Variants in FGF12 observed in about 807,000 individuals in gnomAD.
FGF12 encodes fibroblast growth factor 12B.
FGF12 carries 14 observed loss-of-function variants against 23.6 expected under a neutral mutation model. That is an observed-to-expected ratio of 0.59 (90% CI 0.39 to 0.93). The LOEUF (loss-of-function observed/expected upper bound fraction) is 0.93, where lower values mean the gene tolerates loss of function less well. FGF12 is among the 40% of genes least tolerant of loss of function. The probability of loss-of-function intolerance (pLI) is 0.00; values close to 1 mark genes in which losing one functional copy is unlikely to be tolerated. For synonymous variants in FGF12, 62 were observed against 77.3 expected (o/e 0.80, Z 1.04); for missense variants, 175 against 217.8 (o/e 0.80, Z 1.24).
chr3:192,392,368 G>A (rs975472083), intron 2 of FGF12, among the ~76,000 whole-genome samples: 9 of 151,156 alleles, frequency 6.0e-5, no homozygotes, highest in African/African-American at 9.7e-5. Flanking sequence ...GGGAGTTCGA[G>A]ACCAGCCTGA....
intron 4 of FGF12, among the ~76,000 whole-genome samples, chr3:192,233,792 G>A (rs1372545869): frequency 6.6e-6 from 1 of 152,114 alleles, no homozygotes. Flanking sequence ...ACCATTTACT[G>A]AATAGGGAGT....
chr3:192,652,614 G>T (rs553860359), intron 2 of FGF12, among the ~76,000 whole-genome samples: 6 of 152,280 alleles, frequency 3.9e-5, no homozygotes, highest in African/African-American at 1.4e-4. Flanking sequence ...GTATTATCTG[G>T]TAACTTGTGA....
intron 2 of FGF12, among the ~76,000 whole-genome samples, chr3:192,611,450 T>C (rs546129793): frequency 6.6e-6 from 1 of 152,176 alleles, no homozygotes; most frequent in Admixed American, 6.6e-5. Flanking sequence ...TCAACAAATA[T>C]CTATTGAGAA....
At chr3:192,201,352 G>T (rs1353754468) in intron 4 of FGF12, among the ~76,000 whole-genome samples, 1 of 152,206 alleles carries the variant, frequency 6.6e-6, no homozygotes, top group African/African-American at 2.4e-5. Context: ...TATTCAGAAA[G>T]GGGCAGGCAA....
chr3:192,625,684 T>C (rs1030243119), intron 2 of FGF12, among the ~76,000 whole-genome samples: 1 of 152,148 alleles, frequency 6.6e-6, no homozygotes, highest in East Asian at 1.9e-4. Context: ...TAAAAAGTCA[T>C]ATTTTTTCAA....
chr3:192,242,421 G>A (rs1384719624), intron 4 of FGF12, among the ~76,000 whole-genome samples: 1 of 152,018 alleles, frequency 6.6e-6, no homozygotes, highest in Admixed American at 6.6e-5. Flanking sequence ...TCCCCTTGGG[G>A]GTATCAAAAT....
chr3:192,496,895 G>A (rs546257031), intron 2 of FGF12, among the ~76,000 whole-genome samples: 1 of 152,270 alleles, frequency 6.6e-6, no homozygotes, highest in South Asian at 2.1e-4. Context: ...TTTAGCTCCT[G>A]ATGGCTAAAT....
chr3:192,451,983 AT>A (rs778990928), intron 2 of FGF12, among the ~76,000 whole-genome samples: 16 of 151,714 alleles, frequency 1.1e-4, no homozygotes, highest in South Asian at 2.1e-4. Context: ...GCATTAATAG[AT>A]TTTTTTTTCT....
intron 5 of FGF12, among the ~76,000 whole-genome samples, chr3:192,162,331 A>G (rs1714928665): frequency 6.6e-6 from 1 of 152,130 alleles, no homozygotes; most frequent in Admixed American, 6.6e-5. Flanking sequence ...TGTGCTATAC[A>G]TATTTACTAT....
chr3:192,680,305 G>A (rs538218475), intron 2 of FGF12, among the ~76,000 whole-genome samples: 1 of 152,298 alleles, frequency 6.6e-6, no homozygotes, highest in African/African-American at 2.4e-5. Flanking sequence ...AAAACAAGAT[G>A]ACTGCTGCCG....
At chr3:192,200,385 A>G (rs992651502) in intron 4 of FGF12, among the ~76,000 whole-genome samples, 1 of 152,170 alleles carries the variant, frequency 6.6e-6, no homozygotes, top group African/African-American at 2.4e-5. Flanking sequence ...TATTAAAATC[A>G]TAATAAAATG....
At chr3:192,551,973 T>C (rs1711545861) in intron 2 of FGF12, among the ~76,000 whole-genome samples, 1 of 152,048 alleles carries the variant, frequency 6.6e-6, no homozygotes, top group South Asian at 2.1e-4. Context: ...GGATATGTTA[T>C]TATTTATATA....
chr3:192,390,880 A>G (rs1172737959), intron 2 of FGF12, among the ~76,000 whole-genome samples: 1 of 152,232 alleles, frequency 6.6e-6, no homozygotes, highest in Non-Finnish European at 1.5e-5. Flanking sequence ...ACTAAAGGGG[A>G]AACTCAAGAC....
At chr3:192,341,626 C>G (rs1211495944) in intron 3 of FGF12, among the ~76,000 whole-genome samples, 1 of 151,938 alleles carries the variant, frequency 6.6e-6, no homozygotes, top group East Asian at 1.9e-4. Flanking sequence ...TTAGGACCTA[C>G]AAAACCTAAA....
At chr3:192,234,973 G>A (rs948635281) in intron 4 of FGF12, among the ~76,000 whole-genome samples, 1 of 152,088 alleles carries the variant, frequency 6.6e-6, no homozygotes, top group African/African-American at 2.4e-5. Flanking sequence ...TTATATCTAT[G>A]TTCATCAAGG....
chr3:192,547,043 C>A (rs920558363), intron 2 of FGF12, among the ~76,000 whole-genome samples: 1 of 151,976 alleles, frequency 6.6e-6, no homozygotes, highest in African/African-American at 2.4e-5. Context: ...AGAGTGAGAC[C>A]CGGTCTCAAA....
chr3:192,416,301 T>G (rs1721349085), intron 2 of FGF12, among the ~76,000 whole-genome samples: 2 of 152,110 alleles, frequency 1.3e-5, no homozygotes, highest in African/African-American at 2.4e-5. Context: ...TTGTCCTAAT[T>G]TTGTAGAATT....
chr3:192,328,178 C>G (rs978841149), intron 4 of FGF12, among the ~76,000 whole-genome samples: 1 of 152,190 alleles, frequency 6.6e-6, no homozygotes, highest in Non-Finnish European at 1.5e-5. Context: ...GGACATTGGA[C>G]ACATAAAGAA....
At chr3:192,644,299 C>T (rs1715917735) in intron 2 of FGF12, among the ~76,000 whole-genome samples, 1 of 152,110 alleles carries the variant, frequency 6.6e-6, no homozygotes, top group Non-Finnish European at 1.5e-5. Flanking sequence ...TGAATTCTTT[C>T]AGATTTTCAG....
Sources: allele counts gnomAD v4.1 joint callset (sites outside exome capture counted in the v4.1 genomes callset), GRCh38; gene constraint gnomAD v4.1.1; transcripts MANE v1.5; gene names NCBI Gene and HGNC (gene_info 2026-07-23, HGNC 2026-07-21).